EDIL3: variants seen among roughly 807,000 people sequenced by gnomAD.
The protein encoded by EDIL3 is EGF-like repeat and discoidin I-like domain-containing protein 3.
In EDIL3, 37 loss-of-function variants were observed where a neutral mutation model predicts 67.4. The ratio of observed to expected loss-of-function variants is 0.55; its 90% CI spans 0.42 to 0.72. EDIL3 has a LOEUF of 0.72. EDIL3 is among the 30% of genes least tolerant of loss of function. The pLI is 0.00. For synonymous variants in EDIL3, 195 were observed against 196.3 expected, an observed-to-expected ratio of 0.99 and a Z score of 0.05; for missense variants, 527 against 586.3, an observed-to-expected ratio of 0.90 and a Z score of 1.04.
At position 84,254,112 on chromosome 5, in the gene EDIL3, GT is replaced by G. The variant is rs1452513599; in HGVS notation, c.167del (p.Asp56AlafsTer36). ...FSCECPDGFT[D>X]PNCSSVVEVA... The stretch of plus-strand genomic sequence containing the variant: ...CCTCCACAACACTAGAACAGTTGGG[GT>G]CTGTGAAGCCATCTGGACACTCACA... On this transcript the variant is annotated frameshift_variant, in exon 2 of 11. Transcript: ENST00000296591. LOFTEE classifies it high-confidence loss of function. 6.2e-7 allele frequency: 1 copy of G among 1,611,556 alleles called. No homozygotes were observed. The highest frequency in any genetic ancestry group is 8.5e-7 in the Non-Finnish European group (1 of 1,178,828).
intron 3 of EDIL3, 57 bp downstream of exon 3, chr5:84,229,798 C>T: frequency 6.6e-7 from 1 of 1,525,166 alleles, no homozygotes. Context: ...GGTTGACTCT[C>T]TATTATTAAA....
chr5:84,213,530 A>C (rs1389655659), intron 3 of EDIL3, among the ~76,000 whole-genome samples: 1 of 152,238 alleles, frequency 6.6e-6, no homozygotes, highest in African/African-American at 2.4e-5. Context: ...TGTATAGCTC[A>C]TTCTTTTTCA....
At chr5:83,994,066 G>A (rs540747222) in intron 9 of EDIL3, among the ~76,000 whole-genome samples, 1 of 152,200 alleles carries the variant, frequency 6.6e-6, no homozygotes, top group Non-Finnish European at 1.5e-5. Context: ...GCTCCAACAT[G>A]GTTATGTTAA....
intron 4 of EDIL3, among the ~76,000 whole-genome samples, chr5:84,142,135 G>A (rs2112321719): frequency 6.6e-6 from 1 of 151,604 alleles, no homozygotes; most frequent in East Asian, 1.9e-4. Flanking sequence ...AAAAGCCCAT[G>A]AAATTGACTT....
intron 5 of EDIL3, among the ~76,000 whole-genome samples, chr5:84,126,739 A>C (rs1013303538): frequency 6.6e-6 from 1 of 152,082 alleles, no homozygotes; most frequent in African/African-American, 2.4e-5. Context: ...TTTCTCATCA[A>C]AGGACACTTC....
At chr5:84,294,384 CAAAAAAAA>C (rs1173407354) in intron 1 of EDIL3, among the ~76,000 whole-genome samples, 4 of 31,810 alleles carry the variant, frequency 1.3e-4, no homozygotes, top group Non-Finnish European at 1.4e-4. Context: ...GACTCTGTCT[CAAAAAAAA>C]AAAAAAAAAA....
At chr5:84,017,841 G>T (rs1745637252) in intron 9 of EDIL3, among the ~76,000 whole-genome samples, 1 of 151,840 alleles carries the variant, frequency 6.6e-6, no homozygotes, top group African/African-American at 2.4e-5. Flanking sequence ...TAATTACAAA[G>T]TGAATTCATT....
At chr5:84,118,774 A>C (rs1479232999) in intron 5 of EDIL3, among the ~76,000 whole-genome samples, 1 of 152,302 alleles carries the variant, frequency 6.6e-6, no homozygotes, top group East Asian at 1.9e-4. Flanking sequence ...AGTGGTGTAC[A>C]AATTTTGATG....
In EDIL3 at chr5:83,943,281, A is replaced by T; in HGVS notation, c.*138T>A. On this transcript the variant is annotated 3_prime_UTR_variant, in exon 11 of 11. Transcript: ENST00000296591. ...CTTAGACCCCCTTAAAAACACCGTT[A>T]GTTGCCTACCATAATTTGAGCACTT... is the stretch of plus-strand genomic sequence containing the variant. 8.7e-7 allele frequency: 1 copy of T among 1,150,006 alleles called. No homozygotes were observed. The highest frequency in any genetic ancestry group is 1.2e-6 in the Non-Finnish European group (1 of 818,388). 71.2% of individuals were successfully genotyped at this position (1,150,006 alleles called of 1,614,324 possible).
At chr5:84,304,804 A>C (rs1414641337) in intron 1 of EDIL3, among the ~76,000 whole-genome samples, 1 of 152,234 alleles carries the variant, frequency 6.6e-6, no homozygotes, top group Non-Finnish European at 1.5e-5. Context: ...GATGCAAGCC[A>C]GGAAATCTTG....
intron 9 of EDIL3, among the ~76,000 whole-genome samples, chr5:84,052,726 C>T (rs556201633): frequency 3.2e-4 from 49 of 152,088 alleles, no homozygotes; most frequent in Non-Finnish European, 5.7e-4. Context: ...CATTACATAA[C>T]GGTGAAGGAA....
At chr5:84,347,648 C>T (rs149589061) in intron 1 of EDIL3, among the ~76,000 whole-genome samples, 20 of 152,296 alleles carry the variant, frequency 1.3e-4, no homozygotes, top group Middle Eastern at 3.4e-3. Context: ...GTAATTCTTG[C>T]ATTTGATTTC....
chr5:84,337,730 G>A (rs1278341980), intron 1 of EDIL3, among the ~76,000 whole-genome samples: 1 of 152,010 alleles, frequency 6.6e-6, no homozygotes. Flanking sequence ...TTTTCATCAT[G>A]ATAAATGATG....
intron 4 of EDIL3, among the ~76,000 whole-genome samples, chr5:84,155,959 T>C (rs1331853783): frequency 6.6e-6 from 1 of 152,234 alleles, no homozygotes; most frequent in Admixed American, 6.5e-5. Context: ...CTTAACTGTA[T>C]ACAAGTGTAG....
At chr5:84,290,138 A>G (rs559702903) in intron 1 of EDIL3, among the ~76,000 whole-genome samples, 1 of 152,266 alleles carries the variant, frequency 6.6e-6, no homozygotes, top group Admixed American at 6.5e-5. Flanking sequence ...CTCCTGCCCA[A>G]TAAAACTACC....
intron 4 of EDIL3, among the ~76,000 whole-genome samples, chr5:84,159,496 T>C (rs1451940684): frequency 6.6e-6 from 1 of 152,064 alleles, no homozygotes; most frequent in African/African-American, 2.4e-5. Flanking sequence ...AGTATATTTT[T>C]TTCATTCAAC....
chr5:84,117,422 C>A (rs994456250), intron 5 of EDIL3, among the ~76,000 whole-genome samples: 1 of 152,108 alleles, frequency 6.6e-6, no homozygotes, highest in Admixed American at 6.5e-5. Context: ...ATACTAAAAT[C>A]TTTAGCTGCT....
chr5:84,008,772 C>T (rs1019467203), intron 9 of EDIL3, among the ~76,000 whole-genome samples: 8 of 151,816 alleles, frequency 5.3e-5, no homozygotes, highest in African/African-American at 1.5e-4. Flanking sequence ...TGCTAATGAA[C>T]GAGAGAGGGA....
At chr5:83,970,634 A>T (rs1744774299) in intron 9 of EDIL3, among the ~76,000 whole-genome samples, 1 of 128,148 alleles carries the variant, frequency 7.8e-6, no homozygotes, top group Non-Finnish European at 1.6e-5. Context: ...AATGTGACAT[A>T]GGATCACAGT....
Sources: gnomAD v4.1 joint callset for allele counts (sites outside exome capture counted in the v4.1 genomes callset) on GRCh38, gnomAD v4.1.1 for gene constraint, MANE v1.5 for transcripts, NCBI Gene and HGNC (gene_info 2026-07-23, HGNC 2026-07-21) for gene names.